Variants in RELN observed in about 807,000 individuals in gnomAD.
RELN encodes the protein reelin.
Under a neutral mutation model 427.6 loss-of-function variants are expected in RELN, and 108 were observed. The ratio of observed to expected loss-of-function variants is 0.25; its 90% CI spans 0.22 to 0.30. The LOEUF (loss-of-function observed/expected upper bound fraction) is 0.30, where lower values mean the gene tolerates loss of function less well. RELN is among the 10% of genes least tolerant of loss of function. The pLI, the probability that RELN is intolerant of heterozygous loss-of-function variation, is 1.00. For missense variants in RELN, 3,715 were observed against 4,302.8 expected, an observed-to-expected ratio of 0.86 and a Z score of 3.82; for synonymous variants, 1,524 against 1,513.4, an observed-to-expected ratio of 1.01 and a Z score of -0.16.
At chr7:103,911,822 G>A (rs2116655776) in intron 2 of RELN, among the ~76,000 whole-genome samples, 1 of 134,626 alleles carries the variant, frequency 7.4e-6, no homozygotes, top group Non-Finnish European at 1.6e-5. Context: ...CATGGACACA[G>A]GAAGGGGAAT....
Position 103,588,666 on chromosome 7 carries a change from T to G in RELN, c.4145+930A>C, listed in dbSNP as rs149335772. On this transcript the variant is annotated intron_variant, in intron 28 of 64. Transcript: ENST00000428762. ...CTATGAAAGCAGAAAATTGCTTAAT[T>G]GCAATGGCTGAGCAATAACCAGATT... Among the ~76,000 whole-genome samples the G allele has an allele frequency of 7.3e-3, 1,109 of 152,296 alleles. 8 individuals are homozygous for G. Among genetic ancestry groups the G allele is most frequent in the Non-Finnish European group, 0.011 (751 of 68,002 alleles).
intron 3 of RELN, among the ~76,000 whole-genome samples, chr7:103,806,098 C>G (rs1037055454): frequency 6.6e-6 from 1 of 152,120 alleles, no homozygotes; most frequent in Non-Finnish European, 1.5e-5. Flanking sequence ...TTAGAGAAAT[C>G]TAAAATAGTC....
At chr7:103,841,117 G>T (rs577844355) in intron 2 of RELN, among the ~76,000 whole-genome samples, 5 of 152,256 alleles carry the variant, frequency 3.3e-5, no homozygotes, top group Admixed American at 1.3e-4. Context: ...GTAGCTTTGG[G>T]CAAAGAAAGT....
At chr7:103,719,941 C>T (rs1466534526) in intron 8 of RELN, among the ~76,000 whole-genome samples, 1 of 152,132 alleles carries the variant, frequency 6.6e-6, no homozygotes, top group East Asian at 1.9e-4. Flanking sequence ...CTGTGGATAA[C>T]ATGATAAATT....
At chr7:103,540,857 G>A (rs564150333) in intron 43 of RELN, among the ~76,000 whole-genome samples, 3 of 148,386 alleles carry the variant, frequency 2.0e-5, no homozygotes, top group South Asian at 2.1e-4. Flanking sequence ...AGTTTGAAAC[G>A]GGAAGAATGT....
At chr7:103,928,523 A>T (rs551909938) in intron 1 of RELN, among the ~76,000 whole-genome samples, 38 of 152,326 alleles carry the variant, frequency 2.5e-4, no homozygotes, top group Middle Eastern at 3.4e-3. Flanking sequence ...GTGATAGAAA[A>T]AGCTGCAAAT....
chr7:103,809,461 C>CT (rs34778492), intron 3 of RELN, among the ~76,000 whole-genome samples: 25,963 of 152,024 alleles, frequency 0.17, 2,904 homozygotes, highest in South Asian at 0.37. Context: ...AGCCAGCCAC[C>CT]TCCAGGAGAG....
intron 2 of RELN, among the ~76,000 whole-genome samples, chr7:103,835,911 G>A (rs1341674101): frequency 1.4e-5 from 2 of 148,010 alleles, no homozygotes; most frequent in Non-Finnish European, 3.0e-5. Flanking sequence ...ATATAAACTT[G>A]TTCACACTGT....
At chr7:103,729,047 T>C (rs551685719) in intron 6 of RELN, among the ~76,000 whole-genome samples, 4 of 152,326 alleles carry the variant, frequency 2.6e-5, no homozygotes, top group South Asian at 4.1e-4. Context: ...GGACTTGACC[T>C]TGTATATTTA....
chr7:103,698,078 G>A lies in RELN; in HGVS notation c.918C>T (p.Val306=), dbSNP rs767544612. 5.6e-6 allele frequency: 9 copies of A among 1,613,728 alleles called. No homozygotes were observed. The South Asian group carries it at 9.9e-5, about 18-fold the overall frequency. The part of the protein sequence containing the change: ...QLEKIRAPSN[V]STIIHILYLP... ...GGTAGAGGATATGGATGATTGTGCT[G>A]ACATTGGAAGGGGCTCTGGAACATA... Residue 306 remains valine (V), a synonymous_variant, in exon 10 of 65, where the codon GTC becomes GTT. Transcript: ENST00000428762.
Position 103,472,784 on chromosome 7 carries a change from G to C in RELN, c.*28C>G. On this transcript the variant is annotated 3_prime_UTR_variant, in exon 65 of 65. Coordinates refer to ENST00000428762, the MANE Select transcript of RELN (RefSeq NM_005045.4). ...ATGGAGAGCAACACATCACATGTTG[G>C]AAGAAAAAAAATAAACTTTTTGATT... 1 of 1,536,124 alleles carries C rather than the reference G, an allele frequency of 6.5e-7. No individual in the cohort carries two copies. Among genetic ancestry groups the C allele is most frequent in the Non-Finnish European group, 9.0e-7 (1 of 1,109,188 alleles).
chr7:103,561,757 A>G (rs1270312492), intron 35 of RELN, 48 bp from the exon 36 acceptor site: 1 of 1,613,826 alleles, frequency 6.2e-7, no homozygotes, highest in Admixed American at 1.7e-5. Context: ...CACGTTCAAC[A>G]AGCCATATTT....
At chr7:103,822,091 T>G (rs964800520) in intron 3 of RELN, among the ~76,000 whole-genome samples, 6 of 152,098 alleles carry the variant, frequency 3.9e-5, no homozygotes, top group Admixed American at 3.9e-4. Flanking sequence ...TGCACTGATT[T>G]AATGTTAAAT....
chr7:103,672,186 T>C (rs1395090822), intron 11 of RELN, among the ~76,000 whole-genome samples: 1 of 152,190 alleles, frequency 6.6e-6, no homozygotes, highest in Non-Finnish European at 1.5e-5. Flanking sequence ...TTCTTGTTGC[T>C]CTATATGCAA....
At chr7:103,690,876 C>T (rs1833858772) in intron 10 of RELN, among the ~76,000 whole-genome samples, 1 of 152,080 alleles carries the variant, frequency 6.6e-6, no homozygotes, top group Non-Finnish European at 1.5e-5. Flanking sequence ...GAATGTGGTA[C>T]ACCTTTTCTT....
intron 3 of RELN, among the ~76,000 whole-genome samples, chr7:103,812,659 TTAC>T (rs1584260647): frequency 1.3e-5 from 2 of 152,198 alleles, no homozygotes; most frequent in Admixed American, 6.5e-5. Context: ...TTTCTTTTTC[TTAC>T]TACTTTTAGA....
At chr7:103,956,832 T>C (rs1563110694) in intron 1 of RELN, among the ~76,000 whole-genome samples, 1 of 152,166 alleles carries the variant, frequency 6.6e-6, no homozygotes, top group Non-Finnish European at 1.5e-5. Flanking sequence ...AAAAGAGAAC[T>C]GTCCTGGCAA....
chr7:103,642,058 T>A (rs1832704760), intron 16 of RELN, among the ~76,000 whole-genome samples: 1 of 152,180 alleles, frequency 6.6e-6, no homozygotes, highest in South Asian at 2.1e-4. Flanking sequence ...AGGCTTCTTT[T>A]TTCCTAAGAG....
chr7:103,732,400 G>A (rs1790376363), intron 6 of RELN, among the ~76,000 whole-genome samples: 1 of 152,132 alleles, frequency 6.6e-6, no homozygotes, highest in African/African-American at 2.4e-5. Context: ...TTCTATGCAT[G>A]TTCTTAATCT....
Sources: gnomAD v4.1 joint callset for allele counts (sites outside exome capture counted in the v4.1 genomes callset) on GRCh38, gnomAD v4.1.1 for gene constraint, MANE v1.5 for transcripts, NCBI Gene and HGNC (gene_info 2026-07-23, HGNC 2026-07-21) for gene names.